Variants in IL21R observed in about 807,000 individuals in gnomAD.
IL21R encodes the protein interleukin 21 receptor.
IL21R carries 14 observed loss-of-function variants against 41.3 expected under a neutral mutation model. The observed-to-expected ratio is 0.34, with a 90% CI of 0.22 to 0.53. The LOEUF (loss-of-function observed/expected upper bound fraction) is 0.53, where lower values mean the gene tolerates loss of function less well. Among genes scored for constraint, IL21R ranks in the 20% least tolerant of loss-of-function variants. IL21R has a pLI of 0.94. For synonymous variants in IL21R, 286 were observed against 287.6 expected, an observed-to-expected ratio of 0.99 and a Z score of 0.05; for missense variants, 588 against 681.6, an observed-to-expected ratio of 0.86 and a Z score of 1.53.
rs995647199 is a variant in IL21R, at chr16:27,448,575, G to A, written c.909G>A (p.Leu303=). Residue 303 remains leucine (L), a synonymous_variant, in exon 9 of 9, where the codon CTG becomes CTA. Transcript: ENST00000337929. The part of the protein sequence containing the change: ...GAPFTGSSLE[L]GPWSPEVPST... ...CCTTCACTGGCTCCAGCCTGGAGCT[G>A]GGACCCTGGAGCCCAGAGGTGCCCT... 1.6e-5 allele frequency: 25 copies of A among 1,611,748 alleles called. No individual in the cohort carries two copies. The highest frequency in any genetic ancestry group is 1.6e-4 in the Middle Eastern group (1 of 6,074).
chr16:27,451,134 C>G lies in IL21R; in HGVS notation c.*1851C>G, dbSNP rs529630828. 1 of 232,856 alleles carries G rather than the reference C, an allele frequency of 4.3e-6. No individual in the cohort carries two copies. The highest frequency in any genetic ancestry group is 1.8e-4 in the South Asian group (1 of 5,522). The allele number at this position is 232,856 out of a possible 1,614,324, so 14.4% of individuals were successfully genotyped here. A position where few individuals can be genotyped will look rare whatever the true frequency, so the allele number is the denominator to read the frequency against. ...CGGAGCAGGCGCAGCCCTCAACACC[C>G]CGTGCACCTGCACCCTAGGGACTCT... is the stretch of plus-strand genomic sequence containing the variant. On this transcript the variant is annotated 3_prime_UTR_variant, in exon 9 of 9. Transcript: ENST00000337929.
At chr16:27,412,850 T>C (rs179768) in intron 1 of IL21R, among the ~76,000 whole-genome samples, 71,763 of 152,040 alleles carry the variant, frequency 0.47, 17,462 homozygotes, top group East Asian at 0.81. Flanking sequence ...GCTTAATTCA[T>C]GTATTAGTTC....
At chr16:27,423,648 T>C (rs943869008) in intron 1 of IL21R, among the ~76,000 whole-genome samples, 2 of 152,234 alleles carry the variant, frequency 1.3e-5, no homozygotes, top group Non-Finnish European at 2.9e-5. Flanking sequence ...CTTCCTTTTT[T>C]CACTCCAAAT....
chr16:27,413,315 G>A (rs58485601), intron 1 of IL21R, among the ~76,000 whole-genome samples: 6,642 of 152,126 alleles, frequency 0.044, 191 homozygotes, highest in South Asian at 0.11. Flanking sequence ...AATCCTACTT[G>A]GTCATGGTGT....
chr16:27,419,816 T>TTTTTTA (rs1479927614), intron 1 of IL21R, among the ~76,000 whole-genome samples: 5 of 148,020 alleles, frequency 3.4e-5, no homozygotes, highest in African/African-American at 1.2e-4. Flanking sequence ...AGTAACATAG[T>TTTTTTA]TTATTATTAT....
intron 1 of IL21R, among the ~76,000 whole-genome samples, chr16:27,412,959 T>C (rs1156492509): frequency 6.6e-6 from 1 of 152,178 alleles, no homozygotes; most frequent in Non-Finnish European, 1.5e-5. Flanking sequence ...AGATACCTTT[T>C]ATTTCTTTTT....
At position 27,449,132 on chromosome 16, in the gene IL21R, C is replaced by T. The variant is rs1429207625; in HGVS notation, c.1466C>T (p.Thr489Met). ...GSPLAGLDMD[T>M]FDSGFVGSDC... ...CCCCTGGCCGGCCTGGATATGGACA[C>T]GTTTGACAGTGGCTTTGTGGGCTCT... is the stretch of plus-strand genomic sequence containing the variant. Residue 489 changes from threonine to methionine, a missense_variant, in exon 9 of 9, where the codon ACG becomes ATG. Thr to Met is a moderately conservative substitution (Grantham distance 81). Coordinates refer to ENST00000337929, the MANE Select transcript of IL21R (RefSeq NM_181078.3). 3.7e-6 allele frequency: 6 copies of T among 1,613,326 alleles called. No homozygotes were observed. The highest frequency in any genetic ancestry group is 1.7e-5 in the Admixed American group (1 of 60,000).
Position 27,444,536 on chromosome 16 carries a change from T to C in IL21R, c.508-6T>C, listed in dbSNP as rs558304906. ...GACCTGGTGCATCCTTTCCTTGTAC[T>C]GGCAGAGTCCGAGGAGAAAGCTGAT... On this transcript the variant is annotated splice_polypyrimidine_tract_variant and splice_region_variant and intron_variant, in intron 5 of 8. Transcript: ENST00000337929. The C allele has an allele frequency of 1.4e-5, 20 of 1,479,396 alleles. No individual in the cohort carries two copies. The highest frequency in any genetic ancestry group is 1.7e-5 in the Non-Finnish European group (19 of 1,111,018). The allele number at this position is 1,479,396 out of a possible 1,614,324, so 91.6% of individuals were successfully genotyped here. A position where few individuals can be genotyped will look rare whatever the true frequency, so the allele number is the denominator to read the frequency against.
intron 4 of IL21R, 46 bp downstream of exon 4, chr16:27,437,733 C>T: frequency 1.1e-5 from 16 of 1,518,326 alleles, no homozygotes; most frequent in Non-Finnish European, 1.5e-5. Flanking sequence ...TCAATCTTAG[C>T]TCACCGCAGC....
intron 1 of IL21R, among the ~76,000 whole-genome samples, chr16:27,423,011 T>C (rs2087020687): frequency 6.6e-6 from 1 of 152,188 alleles, no homozygotes; most frequent in Non-Finnish European, 1.5e-5. Context: ...GCCCATCTTT[T>C]TTTTGCCAGG....
At chr16:27,412,387 C>T (rs889046281) in intron 1 of IL21R, among the ~76,000 whole-genome samples, 1 of 139,916 alleles carries the variant, frequency 7.1e-6, no homozygotes, top group African/African-American at 2.6e-5. Flanking sequence ...CAGCTTTCTT[C>T]TCCTTCTCCT....
At chr16:27,441,074 G>A (rs1259401974) in intron 4 of IL21R, among the ~76,000 whole-genome samples, 11 of 122,498 alleles carry the variant, frequency 9.0e-5, no homozygotes, top group Admixed American at 2.5e-4. Flanking sequence ...AAAGAAAGAA[G>A]AGAAAAAAGA....
intron 1 of IL21R, among the ~76,000 whole-genome samples, chr16:27,425,554 G>GTTT (rs11384296): frequency 3.4e-5 from 5 of 148,718 alleles, no homozygotes; most frequent in African/African-American, 9.9e-5. Context: ...TTTGTGTTTT[G>GTTT]TTTTGTTTTT....
chr16:27,439,604 C>T (rs893891065), intron 4 of IL21R, among the ~76,000 whole-genome samples: 3 of 148,080 alleles, frequency 2.0e-5, no homozygotes, highest in Non-Finnish European at 4.4e-5. Flanking sequence ...CATGCATTCT[C>T]ACACACGTGT....
intron 1 of IL21R, among the ~76,000 whole-genome samples, chr16:27,420,016 T>A (rs998457190): frequency 6.6e-6 from 1 of 151,790 alleles, no homozygotes; most frequent in Non-Finnish European, 1.5e-5. Flanking sequence ...GCCTCCTGAG[T>A]AGCTGGGACT....
At position 27,449,664 on chromosome 16, in the gene IL21R, C is replaced by T; in HGVS notation, c.*381C>T. The T allele has an allele frequency of 3.6e-6, 1 of 277,184 alleles. No homozygotes were observed. 17.2% of individuals were successfully genotyped at this position (277,184 alleles called of 1,614,324 possible). On this transcript the variant is annotated 3_prime_UTR_variant, in exon 9 of 9. Coordinates refer to ENST00000337929, the MANE Select transcript of IL21R (RefSeq NM_181078.3). The stretch of plus-strand genomic sequence containing the variant: ...CAACAGATGACAACAGCCGTCCTCC[C>T]TCCTAGGGTCTTGTGTTGCAAGTTG...
chr16:27,443,164 T>G (rs890594844), intron 5 of IL21R, 48 bp downstream of exon 5: 1 of 1,511,636 alleles, frequency 6.6e-7, no homozygotes, highest in Non-Finnish European at 8.9e-7. Context: ...GGAGGGGAGA[T>G]GACGGAGTGC....
chr16:27,410,763 T>C (rs2086811225), intron 1 of IL21R, among the ~76,000 whole-genome samples: 1 of 152,228 alleles, frequency 6.6e-6, no homozygotes, highest in South Asian at 2.1e-4. Context: ...ACAAGAGATC[T>C]CTAGAACTTT....
Position 27,435,179 on chromosome 16 carries a change from C to T in IL21R, c.152+730C>T, listed in dbSNP as rs139286175. Among the ~76,000 whole-genome samples, 777 of 152,154 alleles carry T rather than the reference C, an allele frequency of 5.1e-3. 9 individuals carry two copies. The highest frequency in any genetic ancestry group is 0.018 in the African/African-American group (755 of 41,528). On this transcript the variant is annotated intron_variant, in intron 3 of 8. Coordinates refer to ENST00000337929, the MANE Select transcript of IL21R (RefSeq NM_181078.3). ...GAGTCTAAGGCAGGGGGACCAAGCT[C>T]AGGAGGTCGAGGCTGCAGTGAGCTA...
Sources: allele counts gnomAD v4.1 joint callset (sites outside exome capture counted in the v4.1 genomes callset), GRCh38; gene constraint gnomAD v4.1.1; transcripts MANE v1.5; gene names NCBI Gene and HGNC (gene_info 2026-07-23, HGNC 2026-07-21).